The following ARHGEF11 variants were observed in gnomAD, a reference collection of about 807,000 sequenced individuals.
The protein encoded by ARHGEF11 is Rho guanine exchange factor (GEF) 11.
Under a neutral mutation model 193.7 loss-of-function variants are expected in ARHGEF11, and 55 were observed. That is an observed-to-expected ratio of 0.28 (90% CI 0.23 to 0.36). The LOEUF (loss-of-function observed/expected upper bound fraction) is 0.36, where lower values mean the gene tolerates loss of function less well. Among genes scored for constraint, ARHGEF11 ranks in the 10% least tolerant of loss-of-function variants. The pLI is 1.00. For synonymous variants in ARHGEF11, 693 were observed against 768.0 expected (o/e 0.90, Z 1.62); for missense variants, 1,723 against 2,005.6 (o/e 0.86, Z 2.69).
chr1:156,939,303 G>A, intron 37 of ARHGEF11: 4 of 561,764 alleles, frequency 7.1e-6, no homozygotes, highest in Non-Finnish European at 1.3e-5. Context: ...ACAAAGTTCA[G>A]AGATGATTCA....
In ARHGEF11 at chr1:156,986,132, C is replaced by T. The variant is rs775705969; in HGVS notation, c.74G>A (p.Arg25His). The T allele has an allele frequency of 2.0e-5, 33 of 1,613,854 alleles. No individual in the cohort carries two copies. The South Asian group carries it at 2.7e-4, about 13-fold the overall frequency. The change falls in exon 2 of 41, where the codon CGC (arginine) becomes CAC (histidine). Residue 25 changes from arginine to histidine, a missense_variant. Physicochemically the swap from Arg to His is conservative, Grantham distance 29. Coordinates refer to ENST00000368194, the MANE Select transcript of ARHGEF11 (RefSeq NM_198236.3). ...LSSLGDSAPE[R>H]KSPSHHRQPS... ...CTGGCGATGGTGGGAAGGGGACTTG[C>T]GCTCTGGTGCAGAATCTCCCAGAGA...
Position 156,948,243 on chromosome 1 carries a change from T to G in ARHGEF11, c.2106-15A>C, listed in dbSNP as rs747753610. 9 of 1,594,740 alleles carry G rather than the reference T, an allele frequency of 5.6e-6. No homozygotes were observed. Among genetic ancestry groups the G allele is most frequent in the Non-Finnish European group, 7.7e-6 (9 of 1,167,156 alleles). Reference sequence around the variant, plus strand: ...TCTCAAGAGACCTGTGGAGGGAATGTCAACTCTCAGCAACCCTCTATCCTT... The same window carrying G: ...TCTCAAGAGACCTGTGGAGGGAATGGCAACTCTCAGCAACCCTCTATCCTT... On this transcript the variant is annotated splice_polypyrimidine_tract_variant and intron_variant, in intron 23 of 40. Coordinates refer to ENST00000368194, the MANE Select transcript of ARHGEF11 (RefSeq NM_198236.3). This position sits in a 1 kb window ranked among gnomAD's most constrained non-coding sequence, Gnocchi z 4.2.
intron 13 of ARHGEF11, among the ~76,000 whole-genome samples, chr1:156,962,260 A>T (rs1048837623): frequency 4.6e-5 from 7 of 152,156 alleles, no homozygotes; most frequent in African/African-American, 1.7e-4. Context: ...ATACCTGTGG[A>T]TGGCTGTTCA....
At chr1:156,997,596 GGGT>G (rs2102633945) in intron 1 of ARHGEF11, among the ~76,000 whole-genome samples, 1 of 152,252 alleles carries the variant, frequency 6.6e-6, no homozygotes, top group East Asian at 1.9e-4. Flanking sequence ...TGCTGAGAGT[GGGT>G]TACTAGGAGC....
chr1:157,005,313 T>C (rs749403939), intron 1 of ARHGEF11, among the ~76,000 whole-genome samples: 2 of 152,154 alleles, frequency 1.3e-5, no homozygotes, highest in Non-Finnish European at 2.9e-5. Context: ...CCCCATAATG[T>C]TGACCGCCTT....
At chr1:156,980,806 T>C (rs1664029365) in intron 3 of ARHGEF11, among the ~76,000 whole-genome samples, 1 of 118,490 alleles carries the variant, frequency 8.4e-6, no homozygotes, top group African/African-American at 3.3e-5. Flanking sequence ...TATCTGGATA[T>C]GTTCCAAGGT....
chr1:157,034,629 A>G (rs72994772), intron 1 of ARHGEF11, among the ~76,000 whole-genome samples: 4,536 of 152,306 alleles, frequency 0.03, 226 homozygotes, highest in African/African-American at 0.1. Context: ...TCGAGTCAGG[A>G]AAGAGCACAT....
chr1:157,037,963 T>C (rs1571617224), intron 1 of ARHGEF11, among the ~76,000 whole-genome samples: 1 of 121,394 alleles, frequency 8.2e-6, no homozygotes, highest in Non-Finnish European at 1.6e-5. Flanking sequence ...ACCCAGGAGG[T>C]GGAGGTTGCA....
At chr1:157,011,527 C>T (rs1668540904) in intron 1 of ARHGEF11, among the ~76,000 whole-genome samples, 1 of 152,034 alleles carries the variant, frequency 6.6e-6, no homozygotes, top group Non-Finnish European at 1.5e-5. Context: ...CAAAGGATGC[C>T]ATCAAGAAAG....
intron 39 of ARHGEF11, 30 bp from the exon 40 acceptor site, chr1:156,937,035 C>A: frequency 6.2e-7 from 1 of 1,605,754 alleles, no homozygotes; most frequent in Non-Finnish European, 8.5e-7. Context: ...AATGTCTGCT[C>A]GAGTCCTTCT....
chr1:156,978,452 G>T (rs1053413741), intron 5 of ARHGEF11, 70 bp from the exon 6 acceptor site: 254 of 1,503,098 alleles, frequency 1.7e-4, no homozygotes, highest in Non-Finnish European at 2.1e-4. Flanking sequence ...TATACAGGAG[G>T]GGGCTGTTCT....
At chr1:157,041,917 A>G (rs935480185) in intron 1 of ARHGEF11, among the ~76,000 whole-genome samples, 2 of 152,162 alleles carry the variant, frequency 1.3e-5, no homozygotes, top group Non-Finnish European at 2.9e-5. Flanking sequence ...ACCTTACACT[A>G]GGCTCTCTAC....
At chr1:157,028,060 G>A (rs558673380) in intron 1 of ARHGEF11, among the ~76,000 whole-genome samples, 1 of 152,280 alleles carries the variant, frequency 6.6e-6, no homozygotes, top group South Asian at 2.1e-4. Flanking sequence ...AGCTGCATGA[G>A]AGACCTCATG....
intron 39 of ARHGEF11, 34 bp downstream of exon 39, chr1:156,937,215 A>G: frequency 6.2e-7 from 1 of 1,612,772 alleles, no homozygotes; most frequent in Non-Finnish European, 8.5e-7. Context: ...GATGGACTGA[A>G]GGCCTGCAGG....
chr1:157,016,606 A>C (rs1409140408), intron 1 of ARHGEF11, among the ~76,000 whole-genome samples: 1 of 152,170 alleles, frequency 6.6e-6, no homozygotes, highest in Non-Finnish European at 1.5e-5. Flanking sequence ...CAGTATTGTG[A>C]CTGTATTTTT....
At chr1:157,042,310 C>A (rs981018795) in intron 1 of ARHGEF11, among the ~76,000 whole-genome samples, 1 of 152,178 alleles carries the variant, frequency 6.6e-6, no homozygotes, top group Admixed American at 6.5e-5. Flanking sequence ...GAAGGGAAGA[C>A]CTTGACTGCT....
intron 18 of ARHGEF11, among the ~76,000 whole-genome samples, chr1:156,957,534 T>C (rs953891243): frequency 1.2e-4 from 18 of 152,192 alleles, no homozygotes; most frequent in Non-Finnish European, 1.0e-4. Flanking sequence ...TGAGAAGCGA[T>C]GGCAGCTTGG....
rs1479372637 is a variant in ARHGEF11, at chr1:157,044,397, T to C, written c.-67A>G. The C allele has an allele frequency of 1.9e-6, 3 of 1,546,046 alleles. No individual in the cohort carries two copies. Among genetic ancestry groups the C allele is most frequent in the Non-Finnish European group, 2.7e-6 (3 of 1,120,438 alleles). ...GGTGTCTTGATCAGGATTGAATCGC[T>C]TGCAATTTTTGAGCAAGGTGAGAGG... is the stretch of plus-strand genomic sequence containing the variant. On this transcript the variant is annotated 5_prime_UTR_variant, in exon 1 of 41. Coordinates refer to ENST00000368194, the MANE Select transcript of ARHGEF11 (RefSeq NM_198236.3).
rs1391722474 is a variant in ARHGEF11, at chr1:156,936,879, C to T, written c.4567G>A (p.Ala1523Thr). The change falls in exon 40 of 41, where the codon GCT becomes ACT. Residue 1523 changes from alanine (A) to threonine (T), a missense_variant. By Grantham distance (58) the Ala-to-Thr change is moderately conservative. Transcript: ENST00000368194. The stretch of plus-strand genomic sequence containing the variant: ...GAGTCAGAAGCTAGGGGCTCCTTAG[C>T]GGGAGGTGAGAGGGAGCCATCTGTC... The part of the protein sequence containing the change: ...RWTDGSLSPP[A>T]KEPLASDSRN... 19 of 1,613,926 alleles carry T rather than the reference C, an allele frequency of 1.2e-5. No individual in the cohort carries two copies. The highest frequency in any genetic ancestry group is 5.3e-5 in the African/African-American group (4 of 74,858).
Sources: gnomAD v4.1 joint callset for allele counts (sites outside exome capture counted in the v4.1 genomes callset) on GRCh38, gnomAD v4.1.1 for gene constraint, Gnocchi (gnomAD v3.1) non-coding constraint, MANE v1.5 for transcripts, NCBI Gene and HGNC (gene_info 2026-07-23, HGNC 2026-07-21) for gene names.